Variants in LMBR1 observed in about 807,000 individuals in gnomAD.
LMBR1 encodes limb region 1 protein homolog.
In LMBR1, 52 loss-of-function variants were observed where a neutral mutation model predicts 73.9. That is an observed-to-expected ratio of 0.70 (90% CI 0.56 to 0.89). The LOEUF is 0.89. LMBR1 is among the 40% of genes least tolerant of loss of function. The pLI is 0.00. For missense variants in LMBR1, 539 were observed against 579.8 expected (o/e 0.93, Z 0.72); for synonymous variants, 215 against 209.4 (o/e 1.03, Z -0.23).
intron 5 of LMBR1, among the ~76,000 whole-genome samples, chr7:156,780,108 G>A (rs12531061): frequency 0.12 from 18,237 of 152,232 alleles, 1,303 homozygotes; most frequent in African/African-American, 0.19. Context: ...TCTCACGTCA[G>A]AGAAAACGGC....
At chr7:156,720,655 TTAATAAAGTTAAA>T (rs1193921986) in intron 15 of LMBR1, among the ~76,000 whole-genome samples, 2 of 151,686 alleles carry the variant, frequency 1.3e-5, no homozygotes, top group Non-Finnish European at 2.9e-5. Flanking sequence ...ATAAATAACT[TTAATAAAGTTAAA>T]TAATAAAGTT....
chr7:156,700,047 A>G (rs1002240761), intron 15 of LMBR1, among the ~76,000 whole-genome samples: 88 of 152,360 alleles, frequency 5.8e-4, no homozygotes, highest in Non-Finnish European at 1.1e-3. Flanking sequence ...TACTGGGTAT[A>G]TACTCAAAGG....
chr7:156,837,786 CT>C (rs200071206), intron 1 of LMBR1, among the ~76,000 whole-genome samples: 199 of 135,278 alleles, frequency 1.5e-3, no homozygotes, highest in South Asian at 2.1e-3. Context: ...TTTAATTTTG[CT>C]TTTTTTTTTT....
chr7:156,756,432 T>C lies in LMBR1; in HGVS notation c.718A>G (p.Ile240Val), dbSNP rs370561017. The C allele has an allele frequency of 2.0e-6, 3 of 1,503,194 alleles. No homozygotes were observed. The highest frequency in any genetic ancestry group is 4.6e-5 in the East Asian group (2 of 43,926). The allele number at this position is 1,503,194 out of a possible 1,614,324, so 93.1% of individuals were successfully genotyped here. A position where few individuals can be genotyped will look rare whatever the true frequency, so the allele number is the denominator to read the frequency against. ...LEDLDEQIYI[I>V]TLEEEALQRR... is the part of the protein sequence containing the mutation. ...TGGAGTGCTTCTTCCTCTAAGGTAA[T>C]GATATAAATTTGTTCATCCAGGTCT... Residue 240 changes from isoleucine (I) to valine (V), a missense_variant, in exon 9 of 17, where the codon ATT (isoleucine) becomes GTT (valine). Coordinates refer to ENST00000353442, the MANE Select transcript of LMBR1 (RefSeq NM_022458.4).
rs1227744115 is a variant in LMBR1, at chr7:156,803,088, T to C, written c.320-6596A>G. On this transcript the variant is annotated intron_variant, in intron 4 of 16. Transcript: ENST00000353442. Reference sequence around the variant, plus strand: ...GGCATTACCATTCAGGACATAGGCATGGGCAAGGACTTCATGTCTAAAACA... The same window carrying C: ...GGCATTACCATTCAGGACATAGGCACGGGCAAGGACTTCATGTCTAAAACA... 9.9e-5 allele frequency among the ~76,000 whole-genome samples: 15 copies of C among 152,212 alleles called. No individual in the cohort carries two copies. In the South Asian group the frequency reaches 2.9e-3, roughly 29 times the overall value.
In LMBR1 at chr7:156,685,665, T is replaced by A. The variant is rs1480753870; in HGVS notation, c.1388-1502A>T. Among the ~76,000 whole-genome samples, 1 of 152,254 alleles carries A rather than the reference T, an allele frequency of 6.6e-6. No individual in the cohort carries two copies. Among genetic ancestry groups the A allele is most frequent in the Non-Finnish European group, 1.5e-5 (1 of 68,046 alleles). Reference sequence around the variant, plus strand: ...TGGCAGAAACGGTTCAGCTCCATGATCATCTGCTGTGGCCACTGTCACATA... The same window carrying A: ...TGGCAGAAACGGTTCAGCTCCATGAACATCTGCTGTGGCCACTGTCACATA... On this transcript the variant is annotated intron_variant, in intron 16 of 16. Coordinates refer to ENST00000353442, the MANE Select transcript of LMBR1 (RefSeq NM_022458.4). The surrounding 1 kb of genome is among the most constrained non-coding windows in gnomAD (Gnocchi z 4.1).
intron 9 of LMBR1, among the ~76,000 whole-genome samples, chr7:156,752,154 A>G (rs910209033): frequency 3.3e-5 from 5 of 152,208 alleles, no homozygotes; most frequent in Non-Finnish European, 7.3e-5. Flanking sequence ...TCGAGGAGGA[A>G]AGAGAGGAAG....
chr7:156,737,068 G>A (rs1015008052), intron 9 of LMBR1, among the ~76,000 whole-genome samples: 9 of 152,072 alleles, frequency 5.9e-5, no homozygotes, highest in East Asian at 1.9e-4. Context: ...TGTTTCCTAC[G>A]CAGCCCGTAT....
intron 15 of LMBR1, among the ~76,000 whole-genome samples, chr7:156,709,732 C>G (rs1811675648): frequency 6.6e-6 from 1 of 151,986 alleles, no homozygotes; most frequent in African/African-American, 2.4e-5. Flanking sequence ...CCAGACCTTC[C>G]CAATGAACTA....
intron 5 of LMBR1, among the ~76,000 whole-genome samples, chr7:156,772,870 G>T (rs1293744568): frequency 1.3e-5 from 2 of 151,756 alleles, no homozygotes; most frequent in East Asian, 3.9e-4. Flanking sequence ...GGGAGGGGAG[G>T]GGAAGGGAGG....
chr7:156,840,266 A>T (rs564760193), intron 1 of LMBR1, among the ~76,000 whole-genome samples: 152 of 152,234 alleles, frequency 1.0e-3, no homozygotes, highest in African/African-American at 3.6e-3. Flanking sequence ...ATAAATATAA[A>T]GTGTGTCGTA....
At chr7:156,762,727 T>C (rs889496709) in intron 7 of LMBR1, among the ~76,000 whole-genome samples, 5 of 152,162 alleles carry the variant, frequency 3.3e-5, no homozygotes, top group Non-Finnish European at 4.4e-5. Context: ...AAGTAGAATC[T>C]AGCATTATGA....
intron 8 of LMBR1, among the ~76,000 whole-genome samples, chr7:156,760,340 G>C (rs1340286256): frequency 2.0e-5 from 3 of 152,194 alleles, no homozygotes; most frequent in Non-Finnish European, 4.4e-5. Flanking sequence ...TATATACGTT[G>C]AGTTTTCAGC....
intron 15 of LMBR1, among the ~76,000 whole-genome samples, chr7:156,689,202 A>G (rs1585195343): frequency 6.6e-6 from 1 of 152,330 alleles, no homozygotes; most frequent in East Asian, 1.9e-4. Flanking sequence ...AAATCACATC[A>G]TTCAGGTGTC....
At chr7:156,689,861 T>C (rs1407194597) in intron 15 of LMBR1, among the ~76,000 whole-genome samples, 2 of 152,214 alleles carry the variant, frequency 1.3e-5, no homozygotes, top group Non-Finnish European at 2.9e-5. Context: ...ATTTTTCAAA[T>C]ACAGTACCAT....
intron 9 of LMBR1, among the ~76,000 whole-genome samples, chr7:156,751,498 C>A (rs1820866743): frequency 6.6e-6 from 1 of 152,178 alleles, no homozygotes; most frequent in Admixed American, 6.5e-5. Flanking sequence ...AAACCATCAT[C>A]TGAGGACTTG....
intron 5 of LMBR1, among the ~76,000 whole-genome samples, chr7:156,771,579 C>T (rs11765182): frequency 0.21 from 32,404 of 151,966 alleles, 4,491 homozygotes; most frequent in African/African-American, 0.4. Context: ...GTTCTGAAAC[C>T]GAGTCTGTAA....
At position 156,680,403 on chromosome 7, in the gene LMBR1, A is replaced by AGAGAGAGAGAGAGAGAGAGTGTGTGTGT. The variant is rs1343950098; in HGVS notation, c.*3674_*3675insACACACACACTCTCTCTCTCTCTCTCTC. ...GAGAGAGAGAGAGAGAGAGAGAGAG[A>AGAGAGAGAGAGAGAGAGAGTGTGTGTGT]GTGTGTGTGTGTGTGTGTGTGTAAT... On this transcript the variant is annotated 3_prime_UTR_variant, in exon 17 of 17. Coordinates refer to ENST00000353442, the MANE Select transcript of LMBR1 (RefSeq NM_022458.4). The AGAGAGAGAGAGAGAGAGAGTGTGTGTGT allele has an allele frequency of 8.8e-5, 11 of 125,062 alleles. No individual in the cohort carries two copies. Among genetic ancestry groups the AGAGAGAGAGAGAGAGAGAGTGTGTGTGT allele is most frequent in the African/African-American group, 3.4e-4 (11 of 32,554 alleles). The allele number at this position is 125,062 out of a possible 1,614,324, so 7.7% of individuals were successfully genotyped here.
intron 1 of LMBR1, among the ~76,000 whole-genome samples, chr7:156,883,371 C>T (rs1801394131): frequency 6.6e-6 from 1 of 151,950 alleles, no homozygotes; most frequent in Non-Finnish European, 1.5e-5. Flanking sequence ...TGCACTCCAG[C>T]CTGGGCAACA....
Sources: allele counts gnomAD v4.1 joint callset (sites outside exome capture counted in the v4.1 genomes callset), GRCh38; gene constraint gnomAD v4.1.1; non-coding constraint Gnocchi (gnomAD v3.1); transcripts MANE v1.5; gene names NCBI Gene and HGNC (gene_info 2026-07-23, HGNC 2026-07-21).